The following PPP1R14C variants were observed in gnomAD, a reference collection of about 807,000 sequenced individuals.
The protein encoded by PPP1R14C is protein phosphatase 1 regulatory subunit 14C.
In PPP1R14C, 16 loss-of-function variants were observed where a neutral mutation model predicts 20.4. That is an observed-to-expected ratio of 0.78 (90% confidence interval 0.53 to 1.19). The LOEUF (loss-of-function observed/expected upper bound fraction) is 1.19, where lower values mean the gene tolerates loss of function less well. Among genes scored for constraint, PPP1R14C ranks in the 50% most tolerant of loss-of-function variants. The pLI, the probability that PPP1R14C is intolerant of heterozygous loss-of-function variation, is 0.00. For synonymous variants in PPP1R14C, 91 were observed against 91.0 expected (o/e 1.00, Z 0.00); for missense variants, 211 against 220.1 (o/e 0.96, Z 0.26).
chr6:150,158,127 C>T (rs1377065882), intron 1 of PPP1R14C, among the ~76,000 whole-genome samples: 1 of 152,122 alleles, frequency 6.6e-6, no homozygotes, highest in Non-Finnish European at 1.5e-5. Context: ...CTAATCCTTT[C>T]AGAGAAATTT....
At position 150,201,393 on chromosome 6, in the gene PPP1R14C, C is replaced by T. The variant is rs937403491; in HGVS notation, c.307-13351C>T. Among the ~76,000 whole-genome samples the T allele has an allele frequency of 3.3e-5, 5 of 152,154 alleles. No homozygotes were observed. On this transcript the variant is annotated intron_variant, in intron 1 of 3. Transcript: ENST00000361131. This position sits in a 1 kb window ranked among gnomAD's most constrained non-coding sequence, Gnocchi z 4.2. ...GACATTTTGCTTTAGGAAGTGATGG[C>T]TGACACGAGATAACAAGAAGAGTGT...
chr6:150,181,515 T>C (rs1777621798), intron 1 of PPP1R14C, among the ~76,000 whole-genome samples: 1 of 152,262 alleles, frequency 6.6e-6, no homozygotes, highest in South Asian at 2.1e-4. Context: ...TGTTCTTTTC[T>C]GCTGCCCTGT....
chr6:150,166,331 C>T (rs369360874), intron 1 of PPP1R14C, among the ~76,000 whole-genome samples: 160 of 152,262 alleles, frequency 1.1e-3, no homozygotes, highest in African/African-American at 3.7e-3. Flanking sequence ...CTACCCGCCT[C>T]GGCCTCCCAA....
intron 1 of PPP1R14C, among the ~76,000 whole-genome samples, chr6:150,188,638 C>G (rs1208826155): frequency 2.6e-5 from 4 of 151,034 alleles, no homozygotes; most frequent in East Asian, 2.0e-4. Context: ...AGGCGCCCAC[C>G]ACCACGCCCG....
At chr6:150,234,785 G>A (rs1190774041) in intron 3 of PPP1R14C, among the ~76,000 whole-genome samples, 1 of 145,808 alleles carries the variant, frequency 6.9e-6, no homozygotes, top group Non-Finnish European at 1.5e-5. Context: ...GGAGGCAGAG[G>A]TTGCAGTGAG....
chr6:150,215,795 A>AC (rs781085975), intron 2 of PPP1R14C, among the ~76,000 whole-genome samples: 2 of 152,068 alleles, frequency 1.3e-5, no homozygotes, highest in East Asian at 1.9e-4. Context: ...ATCACCCCGC[A>AC]CCCCCCAGTT....
rs375506160 is a variant in PPP1R14C at position 150,166,173 on chromosome 6, C to T, written c.306+22675C>T. On this transcript the variant is annotated intron_variant, in intron 1 of 3. Coordinates refer to ENST00000361131, the MANE Select transcript of PPP1R14C (RefSeq NM_030949.3). The stretch of plus-strand genomic sequence containing the variant: ...TCGGCTCACTGCAAGCTCCGCCTCC[C>T]GGATTCATGCCATTCTCCTGCCTCA... Among the ~76,000 whole-genome samples, 65 of 152,106 alleles carry T rather than the reference C, an allele frequency of 4.3e-4. 1 individual carries two copies. The East Asian group carries it at 6.6e-3, about 15-fold the overall frequency.
intron 3 of PPP1R14C, among the ~76,000 whole-genome samples, chr6:150,220,316 A>G (rs911727220): frequency 4.6e-5 from 7 of 152,188 alleles, no homozygotes; most frequent in East Asian, 3.9e-4. Context: ...TTGACCCTCA[A>G]ATTCCCTATG....
chr6:150,227,274 T>C (rs1267332244), intron 3 of PPP1R14C, among the ~76,000 whole-genome samples: 1 of 152,240 alleles, frequency 6.6e-6, no homozygotes, highest in East Asian at 1.9e-4. Context: ...CAAATGTGTA[T>C]CGAATATCTG....
rs552042910 is a variant in PPP1R14C at position 150,184,515 on chromosome 6, C to T, written c.307-30229C>T. Among the ~76,000 whole-genome samples, 148 of 152,318 alleles carry T rather than the reference C, an allele frequency of 9.7e-4. 4 individuals are homozygous for T. In the South Asian group the frequency reaches 0.029, roughly 30 times the overall value. ...CAGAATCACCTATGGATGCATTTCT[C>T]AGAACATATCCCTTTTGTCCCCTCC... On this transcript the variant is annotated intron_variant, in intron 1 of 3. Coordinates refer to ENST00000361131, the MANE Select transcript of PPP1R14C (RefSeq NM_030949.3).
In PPP1R14C at chr6:150,213,345, T is replaced by TCTC. The variant is rs531663261; in HGVS notation, c.307-1399_307-1398insCTC. Among the ~76,000 whole-genome samples, 11 of 109,840 alleles carry TCTC rather than the reference T, an allele frequency of 1.0e-4. No individual in the cohort carries two copies. In the East Asian group the frequency reaches 1.1e-3, roughly 11 times the overall value. The allele number at this position is 109,840 out of a possible 152,430, so 72.1% of individuals were successfully genotyped here. A position where few individuals can be genotyped will look rare whatever the true frequency, so the allele number is the denominator to read the frequency against. ...TACTGGGGTCCTCACTTTTGTGTTG[T>TCTC]AACACACACACACACACACACACAC... is the stretch of plus-strand genomic sequence containing the variant. On this transcript the variant is annotated intron_variant, in intron 1 of 3. Coordinates refer to ENST00000361131, the MANE Select transcript of PPP1R14C (RefSeq NM_030949.3).
chr6:150,216,453 C>T (rs766922868), intron 2 of PPP1R14C, among the ~76,000 whole-genome samples: 1 of 152,032 alleles, frequency 6.6e-6, no homozygotes, highest in Non-Finnish European at 1.5e-5. Flanking sequence ...TGAGATCGCA[C>T]CACTGCACTC....
At chr6:150,145,439 T>C (rs943209364) in intron 1 of PPP1R14C, among the ~76,000 whole-genome samples, 1 of 152,246 alleles carries the variant, frequency 6.6e-6, no homozygotes, top group African/African-American at 2.4e-5. Flanking sequence ...TGTTCAGTCA[T>C]TGTAGGCTGA....
chr6:150,203,648 G>A (rs1170476375), intron 1 of PPP1R14C, among the ~76,000 whole-genome samples: 3 of 152,152 alleles, frequency 2.0e-5, no homozygotes, highest in Non-Finnish European at 2.9e-5. Context: ...AACCCCGAAT[G>A]CCTCAGTCAT....
intron 1 of PPP1R14C, among the ~76,000 whole-genome samples, chr6:150,159,587 C>G (rs1777342453): frequency 6.6e-6 from 1 of 151,854 alleles, no homozygotes; most frequent in South Asian, 2.1e-4. Context: ...ATCCACCCAC[C>G]AGTCCCTTCG....
At chr6:150,237,017 AAC>A (rs1276234351) in intron 3 of PPP1R14C, among the ~76,000 whole-genome samples, 2 of 152,016 alleles carry the variant, frequency 1.3e-5, no homozygotes, top group Non-Finnish European at 2.9e-5. Flanking sequence ...CCTCAGAAGA[AAC>A]ACATGTGTGC....
chr6:150,201,364 C>G lies in PPP1R14C; in HGVS notation c.307-13380C>G, dbSNP rs144969501. Among the ~76,000 whole-genome samples the G allele has an allele frequency of 6.6e-6, 1 of 152,048 alleles. No homozygotes were observed. Among genetic ancestry groups the G allele is most frequent in the African/African-American group, 2.4e-5 (1 of 41,388 alleles). On this transcript the variant is annotated intron_variant, in intron 1 of 3. Coordinates refer to ENST00000361131, the MANE Select transcript of PPP1R14C (RefSeq NM_030949.3). The surrounding 1 kb of genome is among the most constrained non-coding windows in gnomAD (Gnocchi z 4.2). Reference sequence around the variant, plus strand: ...GAGGTTGACCTCATCACAAGTCTGGCGAAGACATTTTGCTTTAGGAAGTGA... The same window carrying G: ...GAGGTTGACCTCATCACAAGTCTGGGGAAGACATTTTGCTTTAGGAAGTGA...
Position 150,243,789 on chromosome 6 carries a change from G to A in PPP1R14C, c.424-4957G>A, listed in dbSNP as rs544549184. ...ACAACCCACATTTCTACCAACAGGT[G>A]GATGGATAAATTGTGGTACATCTTT... On this transcript the variant is annotated intron_variant, in intron 3 of 3. Coordinates refer to ENST00000361131, the MANE Select transcript of PPP1R14C (RefSeq NM_030949.3). Among the ~76,000 whole-genome samples the A allele has an allele frequency of 2.1e-4, 32 of 152,286 alleles. No individual in the cohort carries two copies. In the South Asian group the frequency reaches 4.6e-3, roughly 22 times the overall value.
At chr6:150,191,750 C>G (rs1052368451) in intron 1 of PPP1R14C, among the ~76,000 whole-genome samples, 6 of 152,206 alleles carry the variant, frequency 3.9e-5, no homozygotes, top group African/African-American at 1.4e-4. Context: ...TTTAGCATCT[C>G]AGAGAGTATA....
Sources: gnomAD v4.1 joint callset for allele counts (sites outside exome capture counted in the v4.1 genomes callset) on GRCh38, gnomAD v4.1.1 for gene constraint, Gnocchi (gnomAD v3.1) non-coding constraint, MANE v1.5 for transcripts, NCBI Gene and HGNC (gene_info 2026-07-23, HGNC 2026-07-21) for gene names.